The following RBFOX1 variants were observed in gnomAD, a reference collection of about 807,000 sequenced individuals.
RBFOX1 encodes the protein RNA binding protein fox-1 homolog 1.
RBFOX1 carries 8 observed loss-of-function variants against 57.7 expected under a neutral mutation model. The observed-to-expected ratio is 0.14, with a 90% CI of 0.08 to 0.25. The LOEUF is 0.25. RBFOX1 is among the 10% of genes least tolerant of loss of function. The pLI is 1.00. For synonymous variants in RBFOX1, 326 were observed against 222.4 expected, an observed-to-expected ratio of 1.47 and a Z score of -4.15; for missense variants, 611 against 548.5, an observed-to-expected ratio of 1.11 and a Z score of -1.14.
chr16:6,371,947 T>A (rs1000213001), intron 2 of RBFOX1, among the ~76,000 whole-genome samples: 2 of 152,340 alleles, frequency 1.3e-5, no homozygotes, highest in South Asian at 2.1e-4. Flanking sequence ...AGACTTCATA[T>A]TTTTTGTCAT....
intron 4 of RBFOX1, among the ~76,000 whole-genome samples, chr16:7,276,686 C>G (rs1186553067): frequency 6.6e-6 from 1 of 152,172 alleles, no homozygotes; most frequent in African/African-American, 2.4e-5. Context: ...CATCATTATT[C>G]TGCACTGAGT....
At chr16:7,225,823 C>T (rs2093063871) in intron 4 of RBFOX1, among the ~76,000 whole-genome samples, 1 of 148,758 alleles carries the variant, frequency 6.7e-6, no homozygotes, top group East Asian at 2.0e-4. Context: ...TTAATGGGTG[C>T]AGCACACCAA....
At chr16:7,024,882 G>T (rs769340920) in intron 3 of RBFOX1, among the ~76,000 whole-genome samples, 3 of 152,128 alleles carry the variant, frequency 2.0e-5, no homozygotes, top group Non-Finnish European at 2.9e-5. Context: ...AGATGGAAGG[G>T]CCTTAGAAGT....
chr16:7,412,755 A>G (rs1310615305), intron 4 of RBFOX1, among the ~76,000 whole-genome samples: 5 of 152,328 alleles, frequency 3.3e-5, no homozygotes, highest in African/African-American at 9.6e-5. Context: ...TTAATCATGG[A>G]ATTACGACTG....
chr16:6,477,042 C>T (rs1471765689), intron 2 of RBFOX1, among the ~76,000 whole-genome samples: 3 of 152,168 alleles, frequency 2.0e-5, no homozygotes, highest in African/African-American at 7.2e-5. Context: ...CCTCTTCAGG[C>T]TCCACTTGTA....
At chr16:6,749,693 T>C (rs1180765509) in intron 3 of RBFOX1, among the ~76,000 whole-genome samples, 2 of 152,160 alleles carry the variant, frequency 1.3e-5, no homozygotes, top group Non-Finnish European at 2.9e-5. Context: ...CCTCAGTAAA[T>C]AATAAGCCCA....
chr16:5,818,008 T>C (rs1393996455), intron 3 of RBFOX1, among the ~76,000 whole-genome samples: 2 of 152,158 alleles, frequency 1.3e-5, no homozygotes, highest in Non-Finnish European at 2.9e-5. Flanking sequence ...TGGGCTGTAT[T>C]AAGCGTATTT....
intron 4 of RBFOX1, among the ~76,000 whole-genome samples, chr16:5,951,286 A>G (rs1164229449): frequency 1.3e-5 from 2 of 152,202 alleles, no homozygotes; most frequent in South Asian, 2.1e-4. Flanking sequence ...TGTCTTTACT[A>G]AAAATACAAA....
intron 4 of RBFOX1, among the ~76,000 whole-genome samples, chr16:7,058,233 T>A (rs537928805): frequency 1.2e-3 from 176 of 152,228 alleles, no homozygotes; most frequent in Middle Eastern, 3.4e-3. Flanking sequence ...TACTCCCCTT[T>A]CCATTGTCTC....
At chr16:6,753,304 T>C (rs2075263238) in intron 3 of RBFOX1, among the ~76,000 whole-genome samples, 1 of 152,240 alleles carries the variant, frequency 6.6e-6, no homozygotes, top group Non-Finnish European at 1.5e-5. Flanking sequence ...GTAAAATTCT[T>C]TCAGCTTTGC....
chr16:7,406,783 G>A (rs1333840017), intron 4 of RBFOX1, among the ~76,000 whole-genome samples: 1 of 152,188 alleles, frequency 6.6e-6, no homozygotes, highest in Non-Finnish European at 1.5e-5. Context: ...ACTGAAGTAG[G>A]TCTTACTGTA....
chr16:5,672,854 GGTGTGTGTGT>G (rs3035730), intron 3 of RBFOX1, among the ~76,000 whole-genome samples: 89,828 of 149,568 alleles, frequency 0.6, 27,728 homozygotes, highest in Admixed American at 0.7. Flanking sequence ...CTTCACCGTA[GGTGTGTGTGT>G]GTGTGTGTGT....
At chr16:6,203,173 G>A (rs912977701) in intron 1 of RBFOX1, among the ~76,000 whole-genome samples, 2 of 151,882 alleles carry the variant, frequency 1.3e-5, no homozygotes, top group Non-Finnish European at 2.9e-5. Flanking sequence ...TTAACCATAG[G>A]CCTTACATTA....
At chr16:6,542,030 T>G (rs2153833701) in intron 2 of RBFOX1, among the ~76,000 whole-genome samples, 1 of 151,954 alleles carries the variant, frequency 6.6e-6, no homozygotes, top group South Asian at 2.1e-4. Context: ...CACTGCAGCC[T>G]CAAACCTCCC....
At chr16:7,079,689 G>C (rs1482145819) in intron 4 of RBFOX1, among the ~76,000 whole-genome samples, 1 of 152,092 alleles carries the variant, frequency 6.6e-6, no homozygotes, top group Non-Finnish European at 1.5e-5. Flanking sequence ...TTTCCTGCAT[G>C]GCAAATGGAG....
rs561442930 is a variant in RBFOX1, at chr16:7,170,285, T to C, written c.27+118187T>C. ...TCACCACTGTTAATTGAGCACTCTG[T>C]TTTTAGAGATGGTGTCTTGCTCTGT... On this transcript the variant is annotated intron_variant, in intron 4 of 15. Coordinates refer to ENST00000550418, the MANE Select transcript of RBFOX1 (RefSeq NM_018723.4). 7.2e-5 allele frequency among the ~76,000 whole-genome samples: 11 copies of C among 152,234 alleles called. 1 individual carries two copies. Among genetic ancestry groups the C allele is most frequent in the African/African-American group, 2.2e-4 (9 of 41,528 alleles).
chr16:7,157,743 C>T (rs778692081), intron 4 of RBFOX1, among the ~76,000 whole-genome samples: 1 of 152,042 alleles, frequency 6.6e-6, no homozygotes, highest in Non-Finnish European at 1.5e-5. Flanking sequence ...CTTCACTGGG[C>T]AAGTGGAAAC....
chr16:7,604,431 C>G (rs2095198023), intron 9 of RBFOX1, among the ~76,000 whole-genome samples: 1 of 152,156 alleles, frequency 6.6e-6, no homozygotes, highest in African/African-American at 2.4e-5. Flanking sequence ...TATCAATTAC[C>G]TTTCTCACGA....
intron 4 of RBFOX1, among the ~76,000 whole-genome samples, chr16:7,481,938 G>A (rs151104492): frequency 6.6e-6 from 1 of 152,312 alleles, no homozygotes; most frequent in African/African-American, 2.4e-5. Flanking sequence ...ATTACTGAAA[G>A]TGAAAAACAG....
Sources: gnomAD v4.1 joint callset for allele counts (sites outside exome capture counted in the v4.1 genomes callset) on GRCh38, gnomAD v4.1.1 for gene constraint, MANE v1.5 for transcripts, NCBI Gene and HGNC (gene_info 2026-07-23, HGNC 2026-07-21) for gene names.